SNCAIP: variants seen among roughly 807,000 people sequenced by gnomAD.
SNCAIP encodes the protein synuclein alpha interacting protein.
In SNCAIP, 43 loss-of-function variants were observed where a neutral mutation model predicts 86.7. That is an observed-to-expected ratio of 0.50 (90% CI 0.39 to 0.64). The LOEUF is 0.64. SNCAIP is among the 30% of genes least tolerant of loss of function. SNCAIP has a pLI of 0.00. For missense variants in SNCAIP, 981 were observed against 1,103.1 expected (o/e 0.89, Z 1.57); for synonymous variants, 417 against 427.2 (o/e 0.98, Z 0.29).
intron 5 of SNCAIP, among the ~76,000 whole-genome samples, chr5:122,428,869 T>C (rs1470106208): frequency 6.6e-6 from 1 of 152,096 alleles, no homozygotes; most frequent in African/African-American, 2.4e-5. Context: ...TGTGATAGTT[T>C]GCTCAGAATG....
chr5:122,325,938 C>T (rs890054561), intron 1 of SNCAIP, among the ~76,000 whole-genome samples: 3 of 152,100 alleles, frequency 2.0e-5, no homozygotes, highest in Admixed American at 6.6e-5. Context: ...CTGTGCACGT[C>T]GTACACAGTT....
intron 1 of SNCAIP, among the ~76,000 whole-genome samples, chr5:122,366,474 G>A (rs944632215): frequency 6.6e-6 from 1 of 152,174 alleles, no homozygotes; most frequent in African/African-American, 2.4e-5. Flanking sequence ...AGGAGCCTAG[G>A]AAATATCATT....
rs868578245 is a variant in SNCAIP at position 122,463,820 on chromosome 5, G to A, written c.*324G>A. ...GATTGGGAAAATGTATGTTTTTTAA[G>A]AGTAGATTGATTCACCCTACCCACA... On this transcript the variant is annotated 3_prime_UTR_variant, in exon 11 of 11. Transcript: ENST00000261368. 1.9e-5 allele frequency: 6 copies of A among 315,366 alleles called. No homozygotes were observed. Among genetic ancestry groups the A allele is most frequent in the African/African-American group, 1.3e-4 (6 of 46,654 alleles). The allele number at this position is 315,366 out of a possible 1,614,324, so 19.5% of individuals were successfully genotyped here. A position where few individuals can be genotyped will look rare whatever the true frequency, so the allele number is the denominator to read the frequency against.
intron 1 of SNCAIP, among the ~76,000 whole-genome samples, chr5:122,363,300 T>G (rs114422394): frequency 0.01 from 1,581 of 152,248 alleles, 37 homozygotes; most frequent in African/African-American, 0.036. Flanking sequence ...TGGGCCTGCT[T>G]CTATTTTTCT....
chr5:122,423,388 C>T lies in SNCAIP; in HGVS notation c.651C>T (p.His217=), dbSNP rs780106051. The change falls in exon 4 of 11, where the codon CAC becomes CAT. Residue 217 remains histidine, a synonymous_variant. Coordinates refer to ENST00000261368, the MANE Select transcript of SNCAIP (RefSeq NM_005460.4). ...FCVLSPVKSP[H]LRKASAVIHD... is the part of the protein sequence containing the mutation. ...TTCTTTCTCCCGTGAAAAGCCCTCA[C>T]TTGAGAAAAGCATCAGCTGTCATCC... 4 of 1,613,604 alleles carry T rather than the reference C, an allele frequency of 2.5e-6. No individual in the cohort carries two copies. In the East Asian group the frequency reaches 6.7e-5, roughly 27 times the overall value.
intron 10 of SNCAIP, among the ~76,000 whole-genome samples, chr5:122,453,894 G>C (rs1232805201): frequency 2.0e-5 from 3 of 151,806 alleles, no homozygotes; most frequent in Admixed American, 6.6e-5. Context: ...CGAGTAGCTG[G>C]GATCACAGGC....
chr5:122,402,487 T>A (rs939126867), intron 2 of SNCAIP, among the ~76,000 whole-genome samples: 2 of 152,156 alleles, frequency 1.3e-5, no homozygotes, highest in African/African-American at 4.8e-5. Flanking sequence ...GTAAGGGTAA[T>A]TTCCCTAATT....
intron 10 of SNCAIP, among the ~76,000 whole-genome samples, chr5:122,452,046 T>A (rs887079071): frequency 2.0e-5 from 3 of 152,194 alleles, no homozygotes; most frequent in African/African-American, 7.2e-5. Context: ...CATAAATAGA[T>A]GCTCTATTGC....
At chr5:122,438,683 C>T (rs1780087820) in intron 6 of SNCAIP, among the ~76,000 whole-genome samples, 1 of 152,278 alleles carries the variant, frequency 6.6e-6, no homozygotes, top group South Asian at 2.1e-4. Context: ...GTCGCAATTT[C>T]CAAGAATCTG....
At chr5:122,315,250 A>G (rs1561493766) in intron 1 of SNCAIP, among the ~76,000 whole-genome samples, 2 of 152,132 alleles carry the variant, frequency 1.3e-5, no homozygotes, top group Non-Finnish European at 2.9e-5. Context: ...GGCTTTACTT[A>G]TATGTCTGGC....
At chr5:122,312,123 G>T (rs1448136018), upstream of SNCAIP, 2 of 148,758 alleles carry the variant, frequency 1.3e-5, no homozygotes, top group African/African-American at 2.4e-5. Context: ...CCCGGGGAGC[G>T]GCGCCCGCGG....
chr5:122,337,179 T>C lies in SNCAIP; in HGVS notation c.-47+24895T>C, dbSNP rs555045124. Among the ~76,000 whole-genome samples, 31 of 152,282 alleles carry C rather than the reference T, an allele frequency of 2.0e-4. No homozygotes were observed. In the South Asian group the frequency reaches 6.4e-3, roughly 32 times the overall value. On this transcript the variant is annotated intron_variant, in intron 1 of 10. Coordinates refer to ENST00000261368, the MANE Select transcript of SNCAIP (RefSeq NM_005460.4). ...GGATATATTGTAGGTATACTGCACA[T>C]ATATTGTGGGTGCAGAACAATGTCA...
chr5:122,398,746 G>T (rs1413666139), intron 2 of SNCAIP, among the ~76,000 whole-genome samples: 1 of 152,116 alleles, frequency 6.6e-6, no homozygotes, highest in East Asian at 1.9e-4. Flanking sequence ...ATTACCATTT[G>T]AGTAATGTCT....
rs1240116994 is a variant in SNCAIP, at chr5:122,451,185, C to T, written c.2338C>T (p.Gln780Ter). ...PPNQPSGDPQQPSPDSTAAQK... is the reference protein window; with the variant it reads ...PPNQPSGDPQ Reference sequence around the variant, plus strand: ...AAACCAGCCCTCTGGTGACCCTCAGCAGCCCAGCCCTGACAGTACTGCTGC... The same window carrying T: ...AAACCAGCCCTCTGGTGACCCTCAGTAGCCCAGCCCTGACAGTACTGCTGC... The change falls in exon 10 of 11, where the codon CAG (glutamine) becomes TAG (stop). Residue 780 changes from glutamine to a stop codon, truncating the protein, a stop_gained. Transcript: ENST00000261368. LOFTEE classifies it high-confidence loss of function. 1 of 1,614,148 alleles carries T rather than the reference C, an allele frequency of 6.2e-7. No individual in the cohort carries two copies. Among genetic ancestry groups the T allele is most frequent in the East Asian group, 2.2e-5 (1 of 44,876 alleles).
At chr5:122,318,012 T>A (rs1400146880) in intron 1 of SNCAIP, among the ~76,000 whole-genome samples, 1 of 152,008 alleles carries the variant, frequency 6.6e-6, no homozygotes, top group African/African-American at 2.4e-5. Flanking sequence ...AATTGAATTA[T>A]ATAACTCCCT....
At chr5:122,388,486 T>C (rs752106431) in intron 1 of SNCAIP, 1 of 152,326 alleles carries the variant, frequency 6.6e-6, no homozygotes, top group African/African-American at 2.4e-5. Context: ...GTTCACCTCA[T>C]TGTCCTTATC....
At chr5:122,406,097 G>A (rs1162382827) in intron 3 of SNCAIP, among the ~76,000 whole-genome samples, 1 of 152,126 alleles carries the variant, frequency 6.6e-6, no homozygotes, top group Non-Finnish European at 1.5e-5. Context: ...AGTGATCCTA[G>A]AAAAAGGAAC....
intron 2 of SNCAIP, 27 bp downstream of exon 2, chr5:122,391,218 C>T: frequency 2.6e-6 from 4 of 1,513,794 alleles, no homozygotes; most frequent in Non-Finnish European, 3.7e-6. Context: ...ACAAGAAATG[C>T]TTTCAAGATA....
intron 5 of SNCAIP, among the ~76,000 whole-genome samples, chr5:122,429,867 T>C (rs1778065074): frequency 6.6e-6 from 1 of 152,086 alleles, no homozygotes; most frequent in Admixed American, 6.6e-5. Context: ...TAGAAAGGAC[T>C]GAGTACAAAG....
Sources: allele counts gnomAD v4.1 joint callset (sites outside exome capture counted in the v4.1 genomes callset), GRCh38; gene constraint gnomAD v4.1.1; transcripts MANE v1.5; gene names NCBI Gene and HGNC (gene_info 2026-07-23, HGNC 2026-07-21).